ELMO1: variants seen among roughly 807,000 people sequenced by gnomAD.
ELMO1 encodes the protein engulfment and cell motility protein 1.
ELMO1 carries 26 observed loss-of-function variants against 98.9 expected under a neutral mutation model. That is an observed-to-expected ratio of 0.26 (90% CI 0.19 to 0.36). ELMO1 has a LOEUF of 0.36. ELMO1 is among the 10% of genes least tolerant of loss of function. The probability of loss-of-function intolerance (pLI) is 1.00; values close to 1 mark genes in which losing one functional copy is unlikely to be tolerated. For missense variants in ELMO1, 627 were observed against 935.2 expected, an observed-to-expected ratio of 0.67 and a Z score of 4.30; for synonymous variants, 346 against 346.0, an observed-to-expected ratio of 1.00 and a Z score of 0.00.
chr7:37,168,666 G>A lies in ELMO1; in HGVS notation c.1087-35432C>T, dbSNP rs548188409. ...GCAGAACAGCGGTTTTTCGTGAACCGTGAATGCTGCTGTCTAATCGTTCCT... is the reference window on the plus strand; with the variant it reads ...GCAGAACAGCGGTTTTTCGTGAACCATGAATGCTGCTGTCTAATCGTTCCT... On this transcript the variant is annotated intron_variant, in intron 13 of 21. Coordinates refer to ENST00000310758, the MANE Select transcript of ELMO1 (RefSeq NM_014800.11). Among the ~76,000 whole-genome samples the A allele has an allele frequency of 4.6e-5, 7 of 152,296 alleles. 1 individual carries two copies. The highest frequency in any genetic ancestry group is 4.1e-4 in the South Asian group (2 of 4,824).
chr7:36,881,946 C>CT (rs748447452), intron 18 of ELMO1, among the ~76,000 whole-genome samples: 9 of 152,328 alleles, frequency 5.9e-5, no homozygotes, highest in Non-Finnish European at 1.2e-4. Flanking sequence ...AGCCCACCGT[C>CT]TGTCTTCAAT....
chr7:37,424,859 T>C (rs1382318016), intron 1 of ELMO1, among the ~76,000 whole-genome samples: 18 of 151,016 alleles, frequency 1.2e-4, no homozygotes, highest in African/African-American at 4.4e-4. Context: ...CTAATAATTA[T>C]TATATATTTT....
intron 13 of ELMO1, among the ~76,000 whole-genome samples, chr7:37,165,297 C>T (rs1339361026): frequency 1.3e-5 from 2 of 151,970 alleles, no homozygotes; most frequent in African/African-American, 4.8e-5. Flanking sequence ...GACAATTTGA[C>T]TTCCTCTTTT....
intron 14 of ELMO1, among the ~76,000 whole-genome samples, chr7:37,126,452 G>A (rs951816196): frequency 9.9e-5 from 15 of 151,880 alleles, no homozygotes; most frequent in African/African-American, 3.4e-4. Context: ...AAGCAGTGCC[G>A]TTGTTTAAAA....
At chr7:37,285,354 T>C (rs1797339102) in intron 4 of ELMO1, among the ~76,000 whole-genome samples, 1 of 152,250 alleles carries the variant, frequency 6.6e-6, no homozygotes. Context: ...GAATATACCC[T>C]GTTTAAATAA....
At chr7:36,868,428 C>G (rs1803223388) in intron 20 of ELMO1, among the ~76,000 whole-genome samples, 1 of 151,822 alleles carries the variant, frequency 6.6e-6, no homozygotes, top group African/African-American at 2.4e-5. Context: ...TCATCGCAAC[C>G]TCCACCTCCT....
chr7:37,363,596 T>C (rs931634889), intron 1 of ELMO1, among the ~76,000 whole-genome samples: 2 of 152,142 alleles, frequency 1.3e-5, no homozygotes, highest in African/African-American at 2.4e-5. Context: ...TACGATGAAA[T>C]GTAGTCTCTC....
chr7:37,426,256 C>G (rs931145033), intron 1 of ELMO1, among the ~76,000 whole-genome samples: 3 of 147,678 alleles, frequency 2.0e-5, no homozygotes, highest in Non-Finnish European at 3.0e-5. Flanking sequence ...TGGGCTCAAG[C>G]GATTCTCCTG....
At chr7:37,169,580 G>A (rs954418616) in intron 13 of ELMO1, among the ~76,000 whole-genome samples, 6 of 152,140 alleles carry the variant, frequency 3.9e-5, no homozygotes, top group African/African-American at 1.2e-4. Flanking sequence ...TAAGATTTGC[G>A]AGCATTCTAA....
Position 36,947,627 on chromosome 7 carries a change from C to T in ELMO1, c.1438-52610G>A, listed in dbSNP as rs73115398. On this transcript the variant is annotated intron_variant, in intron 16 of 21. Transcript: ENST00000310758. ...AGATCTGATCATGTCTTTCCTTAGCCTAAAATATTTCTGTGGTCTTCAATA... is the reference window on the plus strand; with the variant it reads ...AGATCTGATCATGTCTTTCCTTAGCTTAAAATATTTCTGTGGTCTTCAATA... Among the ~76,000 whole-genome samples, 890 of 152,288 alleles carry T rather than the reference C, an allele frequency of 5.8e-3. 5 individuals carry two copies. Among genetic ancestry groups the T allele is most frequent in the Middle Eastern group, 0.048 (14 of 294 alleles).
At chr7:37,272,710 A>G (rs1796636359) in intron 4 of ELMO1, among the ~76,000 whole-genome samples, 1 of 152,134 alleles carries the variant, frequency 6.6e-6, no homozygotes, top group Non-Finnish European at 1.5e-5. Context: ...TTAAGTACCA[A>G]TACATGCTAT....
intron 21 of ELMO1, among the ~76,000 whole-genome samples, chr7:36,856,489 G>A (rs1480141030): frequency 1.3e-5 from 2 of 152,208 alleles, no homozygotes; most frequent in East Asian, 3.9e-4. Context: ...CATACTTGGG[G>A]ATATTATCTG....
chr7:37,165,951 T>C (rs1789650068), intron 13 of ELMO1, among the ~76,000 whole-genome samples: 1 of 152,230 alleles, frequency 6.6e-6, no homozygotes, highest in South Asian at 2.1e-4. Context: ...AATTCGGCTG[T>C]GAATCCATCT....
intron 13 of ELMO1, among the ~76,000 whole-genome samples, chr7:37,180,668 A>G (rs534126224): frequency 6.6e-6 from 1 of 152,340 alleles, no homozygotes; most frequent in South Asian, 2.1e-4. Flanking sequence ...ATAATTGTAC[A>G]ATAGGGCCAT....
At position 37,222,610 on chromosome 7, in the gene ELMO1, C is replaced by A. The variant is rs1793659543; in HGVS notation, c.780+5G>T. ...TAGCCATAAGACTAAAGAAATGCAA[C>A]TTACCTGCCTCCTCTCATCAGGAGC... On this transcript the variant is annotated splice_donor_5th_base_variant and intron_variant, in intron 10 of 21. Coordinates refer to ENST00000310758, the MANE Select transcript of ELMO1 (RefSeq NM_014800.11). 1 of 1,613,720 alleles carries A rather than the reference C, an allele frequency of 6.2e-7. No individual in the cohort carries two copies. Among genetic ancestry groups the A allele is most frequent in the African/African-American group, 1.3e-5 (1 of 74,916 alleles).
At chr7:37,006,943 T>G (rs1467372265) in intron 16 of ELMO1, among the ~76,000 whole-genome samples, 1 of 152,116 alleles carries the variant, frequency 6.6e-6, no homozygotes, top group African/African-American at 2.4e-5. Context: ...TGGTAAGGAT[T>G]GGAGAGGACA....
chr7:36,882,750 A>C (rs1226288252), intron 18 of ELMO1, among the ~76,000 whole-genome samples: 2 of 152,204 alleles, frequency 1.3e-5, no homozygotes, highest in Non-Finnish European at 2.9e-5. Context: ...AACACACATA[A>C]AGTATGGATC....
At chr7:37,282,191 G>A (rs529184503) in intron 4 of ELMO1, among the ~76,000 whole-genome samples, 1 of 152,238 alleles carries the variant, frequency 6.6e-6, no homozygotes, top group Admixed American at 6.5e-5. Flanking sequence ...TTTTAGCAAG[G>A]ACAACAGGAG....
intron 20 of ELMO1, among the ~76,000 whole-genome samples, chr7:36,863,061 T>G (rs1285354435): frequency 6.6e-6 from 1 of 152,206 alleles, no homozygotes; most frequent in Non-Finnish European, 1.5e-5. Flanking sequence ...GTTCTCAGTG[T>G]CTGGTTCACC....
Sources: gnomAD v4.1 joint callset for allele counts (sites outside exome capture counted in the v4.1 genomes callset) on GRCh38, gnomAD v4.1.1 for gene constraint, MANE v1.5 for transcripts, NCBI Gene and HGNC (gene_info 2026-07-23, HGNC 2026-07-21) for gene names.